The following DNAJC13 variants were observed in gnomAD, a reference collection of about 807,000 sequenced individuals.
DNAJC13 encodes DnaJ heat shock protein family (Hsp40) member C13, also known as dnaJ homolog subfamily C member 13.
DNAJC13 carries 75 observed loss-of-function variants against 290.5 expected under a neutral mutation model. The ratio of observed to expected loss-of-function variants is 0.26; its 90% CI spans 0.21 to 0.31. The LOEUF (loss-of-function observed/expected upper bound fraction) is 0.31, where lower values mean the gene tolerates loss of function less well. Among genes scored for constraint, DNAJC13 ranks in the 10% least tolerant of loss-of-function variants. The pLI is 1.00. For missense variants in DNAJC13, 2,260 were observed against 2,674.5 expected, an observed-to-expected ratio of 0.85 and a Z score of 3.42; for synonymous variants, 862 against 892.0, an observed-to-expected ratio of 0.97 and a Z score of 0.60.
chr3:132,463,857 G>A (rs765070450), intron 17 of DNAJC13, 40 bp downstream of exon 17: 9 of 1,588,842 alleles, frequency 5.7e-6, no homozygotes, highest in African/African-American at 4.1e-5. Context: ...TTAACTTCCT[G>A]TCTAGAGAAT....
chr3:132,503,086 T>C (rs1303903642), intron 40 of DNAJC13, 128 bp from the exon 41 acceptor site: 1 of 941,122 alleles, frequency 1.1e-6, no homozygotes. Flanking sequence ...GTAGGTACTC[T>C]TGTACCCTTT....
intron 43 of DNAJC13, among the ~76,000 whole-genome samples, chr3:132,509,697 A>G (rs1248819281): frequency 6.6e-6 from 1 of 152,160 alleles, no homozygotes; most frequent in Non-Finnish European, 1.5e-5. Flanking sequence ...AGCAACCACC[A>G]CCCTGATTAG....
At chr3:132,528,783 G>A (rs1327591524) in intron 54 of DNAJC13, among the ~76,000 whole-genome samples, 1 of 149,518 alleles carries the variant, frequency 6.7e-6, no homozygotes, top group Non-Finnish European at 1.5e-5. Context: ...TTTTTCTTTG[G>A]TCGTGACTTT....
At chr3:132,496,172 TTAAG>T (rs1434529602) in intron 35 of DNAJC13, among the ~76,000 whole-genome samples, 2 of 152,160 alleles carry the variant, frequency 1.3e-5, no homozygotes, top group African/African-American at 2.4e-5. Context: ...TGTTTGAGGA[TTAAG>T]TGAGATTATG....
intron 15 of DNAJC13, 123 bp downstream of exon 15, chr3:132,461,328 C>T: frequency 1.1e-6 from 1 of 944,564 alleles, no homozygotes; most frequent in Non-Finnish European, 1.6e-6. Context: ...TTTGGCTTTC[C>T]TGGGCCACAC....
chr3:132,427,996 T>C (rs1022155163), intron 1 of DNAJC13, among the ~76,000 whole-genome samples: 1 of 152,216 alleles, frequency 6.6e-6, no homozygotes, highest in Non-Finnish European at 1.5e-5. Flanking sequence ...GGAATGTTAA[T>C]GTAGCCTGTT....
intron 3 of DNAJC13, among the ~76,000 whole-genome samples, chr3:132,447,042 T>C (rs1305262108): frequency 6.6e-6 from 1 of 152,170 alleles, no homozygotes; most frequent in Non-Finnish European, 1.5e-5. Context: ...TTAACAAATT[T>C]TTAAGTAGTC....
chr3:132,465,699 GT>G (rs201578664), intron 17 of DNAJC13, among the ~76,000 whole-genome samples: 4 of 151,318 alleles, frequency 2.6e-5, no homozygotes, highest in African/African-American at 4.9e-5. Context: ...TGTTTTTGTT[GT>G]TTTTTTTCTT....
chr3:132,430,718 A>G (rs1240347401), intron 1 of DNAJC13, among the ~76,000 whole-genome samples: 1 of 152,130 alleles, frequency 6.6e-6, no homozygotes, highest in Non-Finnish European at 1.5e-5. Context: ...GTACACCTAT[A>G]TATCTCTCTC....
chr3:132,464,627 A>G (rs1481096259), intron 17 of DNAJC13, among the ~76,000 whole-genome samples: 1 of 151,898 alleles, frequency 6.6e-6, no homozygotes, highest in Non-Finnish European at 1.5e-5. Context: ...TTTACTGTTT[A>G]TACTATTAGA....
At chr3:132,439,184 A>G (rs374529767) in intron 2 of DNAJC13, among the ~76,000 whole-genome samples, 16 of 152,304 alleles carry the variant, frequency 1.1e-4, no homozygotes, top group South Asian at 4.1e-4. Context: ...TTTCACCTCA[A>G]TGCATTAGGA....
intron 6 of DNAJC13, 39 bp downstream of exon 6, chr3:132,450,886 G>T (rs1448267697): frequency 8.1e-7 from 1 of 1,235,376 alleles, no homozygotes; most frequent in Non-Finnish European, 1.1e-6. Context: ...CTTTAAAAGG[G>T]TCATGACCAT....
At chr3:132,501,569 C>CA (rs74269441) in intron 39 of DNAJC13, among the ~76,000 whole-genome samples, 1,853 of 105,968 alleles carry the variant, frequency 0.017, 31 homozygotes, top group African/African-American at 0.054. Flanking sequence ...GACTCTGTCT[C>CA]AAAAAAAAAA....
chr3:132,513,064 C>T lies in DNAJC13; in HGVS notation c.5350C>T (p.His1784Tyr), dbSNP rs780961888. Residue 1784 changes from histidine to tyrosine, a missense_variant, in exon 45 of 56, where the codon CAT becomes TAT. Physicochemically the swap from His to Tyr is moderately conservative, Grantham distance 83. Coordinates refer to ENST00000260818, the MANE Select transcript of DNAJC13 (RefSeq NM_015268.4). Reference protein sequence around the residue: ...FKLIFSLLRVHGAGQVQQLAL... With the variant: ...FKLIFSLLRVYGAGQVQQLAL... ...GTTGATATTTTCTCTTCTCCGAGTTCATGGAGCTGGTCAAGTGCAGCAGTT... is the reference window on the plus strand; with the variant it reads ...GTTGATATTTTCTCTTCTCCGAGTTTATGGAGCTGGTCAAGTGCAGCAGTT... 8 of 1,613,240 alleles carry T rather than the reference C, an allele frequency of 5.0e-6. No homozygotes were observed. Among genetic ancestry groups the T allele is most frequent in the East Asian group, 2.2e-5 (1 of 44,882 alleles).
chr3:132,482,351 T>C, intron 27 of DNAJC13, 21 bp downstream of exon 27: 1 of 1,595,552 alleles, frequency 6.3e-7, no homozygotes, highest in Non-Finnish European at 8.6e-7. Context: ...TGGAGATACT[T>C]TTGGTGAAGG....
chr3:132,422,063 C>G (rs1000990755), intron 1 of DNAJC13, among the ~76,000 whole-genome samples: 1 of 151,354 alleles, frequency 6.6e-6, no homozygotes, highest in Admixed American at 6.6e-5. Context: ...TCAGACCTCA[C>G]TCTGTTGCCC....
intron 15 of DNAJC13, 138 bp downstream of exon 15, chr3:132,461,343 A>G (rs1933788519): frequency 1.2e-6 from 1 of 857,740 alleles, no homozygotes; most frequent in African/African-American, 1.7e-5. Flanking sequence ...CCACACTGAA[A>G]GAAGAGTTGT....
At chr3:132,510,078 G>A (rs1935725541) in intron 43 of DNAJC13, among the ~76,000 whole-genome samples, 1 of 152,004 alleles carries the variant, frequency 6.6e-6, no homozygotes, top group Non-Finnish European at 1.5e-5. Context: ...TCCTTGCCCA[G>A]CTTTTTCTTA....
At position 132,453,330 on chromosome 3, in the gene DNAJC13, T is replaced by C. The variant is rs1027256880; in HGVS notation, c.570T>C (p.Ile190=). 6.2e-7 allele frequency: 1 copy of C among 1,613,806 alleles called. No homozygotes were observed. The change falls in exon 7 of 56, where the codon ATT becomes ATC. Residue 190 remains isoleucine (I), a synonymous_variant. Coordinates refer to ENST00000260818, the MANE Select transcript of DNAJC13 (RefSeq NM_015268.4). The stretch of plus-strand genomic sequence containing the variant: ...TTGCGTCAGAGCAAAGAGAAGAGAT[T>C]ATTAAAAGTGCAATAGACCATGCTG... The part of the protein sequence containing the change: ...HLFASEQREE[I]IKSAIDHAGN...
Sources: allele counts gnomAD v4.1 joint callset (sites outside exome capture counted in the v4.1 genomes callset), GRCh38; gene constraint gnomAD v4.1.1; transcripts MANE v1.5; gene names NCBI Gene and HGNC (gene_info 2026-07-23, HGNC 2026-07-21).